Variants in TOP2A observed in about 807,000 individuals in gnomAD.
TOP2A encodes DNA topoisomerase 2-alpha.
A neutral mutation model predicts 187.2 loss-of-function variants in TOP2A; 68 were observed. The observed-to-expected ratio is 0.36, with a 90% CI of 0.30 to 0.44. The LOEUF (loss-of-function observed/expected upper bound fraction) is 0.44, where lower values mean the gene tolerates loss of function less well. TOP2A is among the 20% of genes least tolerant of loss of function. TOP2A has a pLI of 1.00. For missense variants in TOP2A, 1,196 were observed against 1,808.7 expected, an observed-to-expected ratio of 0.66 and a Z score of 6.14; for synonymous variants, 542 against 593.2, an observed-to-expected ratio of 0.91 and a Z score of 1.25.
chr17:40,407,704 C>T lies in TOP2A; in HGVS notation c.1501-30G>A, dbSNP rs368042763. The T allele has an allele frequency of 5.3e-5, 81 of 1,537,388 alleles. No homozygotes were observed. The African/African-American group carries it at 1.0e-3, about 19-fold the overall frequency. The stretch of plus-strand genomic sequence containing the variant: ...AATGGACATATACCAAAAAAAGCAT[C>T]GTTTATAAATTTGAAAAGAACAAAG... On this transcript the variant is annotated intron_variant, in intron 12 of 34. Transcript: ENST00000423485.
At chr17:40,409,658 C>T (rs1390131263) in intron 10 of TOP2A, 1 of 236,936 alleles carries the variant, frequency 4.2e-6, no homozygotes, top group African/African-American at 2.4e-5. Flanking sequence ...ACTCAGGAGG[C>T]TGGAGAATCC....
At position 40,408,059 on chromosome 17, in the gene TOP2A, C is replaced by T. The variant is rs1318275483; in HGVS notation, c.1408G>A (p.Val470Ile). The T allele has an allele frequency of 1.2e-6, 2 of 1,613,638 alleles. No individual in the cohort carries two copies. Among genetic ancestry groups the T allele is most frequent in the Admixed American group, 1.7e-5 (1 of 60,012 alleles). ...TEGDSAKTLA[V>I]SGLGVVGRDK... ...CTCCCAACCACACCAAGGCCTGAAA[C>T]AGCCAAAGTTTTGGCTGAATCTCCC... Residue 470 changes from valine to isoleucine, a missense_variant, in exon 12 of 35, where the codon GTT becomes ATT. This residue lies in a region of TOP2A where 252 missense variants were observed against 434.8 expected (regional missense o/e 0.58). Coordinates refer to ENST00000423485, the MANE Select transcript of TOP2A (RefSeq NM_001067.4).
chr17:40,410,673 G>T (rs1034695607), intron 10 of TOP2A: 1 of 454,644 alleles, frequency 2.2e-6, no homozygotes, highest in African/African-American at 2.0e-5. Flanking sequence ...ATAAAGGAAG[G>T]CTCCCAGCTT....
In TOP2A at chr17:40,410,613, T is replaced by C. The variant is rs2035309586; in HGVS notation, c.1203+496A>G. 1.1e-5 allele frequency: 5 copies of C among 456,464 alleles called. No individual in the cohort carries two copies. In the Admixed American group the frequency reaches 1.2e-4, roughly 11 times the overall value. The allele number at this position is 456,464 out of a possible 1,614,324, so 28.3% of individuals were successfully genotyped here. A position where few individuals can be genotyped will look rare whatever the true frequency, so the allele number is the denominator to read the frequency against. The stretch of plus-strand genomic sequence containing the variant: ...AAAAGAGATAATGGTGAGAAGCTAC[T>C]GCAGCATCCAAGAGATGATTCTTAT... On this transcript the variant is annotated intron_variant, in intron 10 of 34. Transcript: ENST00000423485.
At chr17:40,408,708 C>T in intron 10 of TOP2A, 78 bp from the exon 11 acceptor site, 1 of 1,413,204 alleles carries the variant, frequency 7.1e-7, no homozygotes. Flanking sequence ...ACAAATGAGC[C>T]TTAATACAAA....
intron 24 of TOP2A, 46 bp downstream of exon 24, chr17:40,399,826 G>T: frequency 6.7e-7 from 1 of 1,494,656 alleles, no homozygotes; most frequent in African/African-American, 1.4e-5. Flanking sequence ...AAGAAAGTTT[G>T]GCGTAACTAG....
intron 16 of TOP2A, among the ~76,000 whole-genome samples, chr17:40,405,757 C>T (rs1465245384): frequency 6.6e-6 from 1 of 151,690 alleles, no homozygotes; most frequent in Non-Finnish European, 1.5e-5. Flanking sequence ...GCGTGAGCCA[C>T]CACGCCTGGC....
rs2143623011 is a variant in TOP2A, at chr17:40,392,272, T to C, written c.4034A>G (p.Asp1345Gly). 1 of 1,612,084 alleles carries C rather than the reference T, an allele frequency of 6.2e-7. No individual in the cohort carries two copies. Among genetic ancestry groups the C allele is most frequent in the Non-Finnish European group, 8.5e-7 (1 of 1,178,964 alleles). Residue 1345 changes from aspartate to glycine, a missense_variant, in exon 31 of 35, where the codon GAT becomes GGT. Around this residue, in one of 10 missense-constraint regions of TOP2A, gnomAD observed 374 missense variants for 403.3 expected, o/e 0.93. Transcript: ENST00000423485. ...DFSDFDEKTD[D>G]EDFVPSDASP... Reference sequence around the variant, plus strand: ...AGCATCTGATGGGACAAAATCTTCATCATCAGTTTTTTCATCAAAATCTGA... The same window carrying C: ...AGCATCTGATGGGACAAAATCTTCACCATCAGTTTTTTCATCAAAATCTGA...
Position 40,413,562 on chromosome 17 carries a change from A to G in TOP2A, c.396T>C (p.Val132=). 1 of 1,522,492 alleles carries G rather than the reference A, an allele frequency of 6.6e-7. No individual in the cohort carries two copies. The highest frequency in any genetic ancestry group is 1.2e-5 in the South Asian group (1 of 81,238). 94.3% of individuals were successfully genotyped at this position (1,522,492 alleles called of 1,614,324 possible). A position where few individuals can be genotyped will look rare whatever the true frequency, so the allele number is the denominator to read the frequency against. Residue 132 remains valine (V), a synonymous_variant, in exon 5 of 35, where the codon GTT becomes GTC. Transcript: ENST00000423485. ...TGAGAGCTGGGACATACATCTTTTCAACTTTGTGTTCAACAACAGGAATAC... is the reference window on the plus strand; with the variant it reads ...TGAGAGCTGGGACATACATCTTTTCGACTTTGTGTTCAACAACAGGAATAC... The part of the protein sequence containing the change: ...GKGIPVVEHK[V]EKMYVPALIF...
Position 40,411,874 on chromosome 17 carries a change from T to C in TOP2A, c.790-56A>G. Reference sequence around the variant, plus strand: ...GAAAGTTATTAAAAAATAGGTTCAATGATAGACTATGAGGACTTTCCAAAA... The same window carrying C: ...GAAAGTTATTAAAAAATAGGTTCAACGATAGACTATGAGGACTTTCCAAAA... On this transcript the variant is annotated intron_variant, in intron 7 of 34. Coordinates refer to ENST00000423485, the MANE Select transcript of TOP2A (RefSeq NM_001067.4). This position sits in a 1 kb window ranked among gnomAD's most constrained non-coding sequence, Gnocchi z 4.4. 1 of 1,402,860 alleles carries C rather than the reference T, an allele frequency of 7.1e-7. No homozygotes were observed. The allele number at this position is 1,402,860 out of a possible 1,614,324, so 86.9% of individuals were successfully genotyped here.
At position 40,411,234 on chromosome 17, in the gene TOP2A, T is replaced by C; in HGVS notation, c.1078A>G (p.Met360Val). The C allele has an allele frequency of 6.2e-7, 1 of 1,613,012 alleles. No individual in the cohort carries two copies. The highest frequency in any genetic ancestry group is 8.5e-7 in the Non-Finnish European group (1 of 1,179,652). ...ATTAAGGCATTTACAAAAATCCACA[T>C]GTGATTTTTCACCTGCAATAGAAGT... Reference protein sequence around the residue: ...AVKAHQVKNHMWIFVNALIEN... With the variant: ...AVKAHQVKNHVWIFVNALIEN... Residue 360 changes from methionine (M) to valine (V), a missense_variant, in exon 10 of 35, where the codon ATG becomes GTG. Physicochemically the swap from Met to Val is conservative, Grantham distance 21. Transcript: ENST00000423485. This position sits in a 1 kb window ranked among gnomAD's most constrained non-coding sequence, Gnocchi z 4.4.
At position 40,389,745 on chromosome 17, in the gene TOP2A, C is replaced by G. The variant is rs2034999631; in HGVS notation, c.4468-98G>C. 3 of 1,434,750 alleles carry G rather than the reference C, an allele frequency of 2.1e-6. No homozygotes were observed. The African/African-American group carries it at 4.3e-5, about 21-fold the overall frequency. The allele number at this position is 1,434,750 out of a possible 1,614,324, so 88.9% of individuals were successfully genotyped here. On this transcript the variant is annotated intron_variant, in intron 34 of 34. Coordinates refer to ENST00000423485, the MANE Select transcript of TOP2A (RefSeq NM_001067.4). ...CAAGACACTATATTCAAGGAGTTTT[C>G]TATTTTCTACCAAGTAATAAGAAGC...
rs906018018 is a variant in TOP2A, at chr17:40,399,052, T to C, written c.3276A>G (p.Glu1092=). The change falls in exon 25 of 35, where the codon GAA becomes GAG. Residue 1092 remains glutamate (E), a synonymous_variant. Coordinates refer to ENST00000423485, the MANE Select transcript of TOP2A (RefSeq NM_001067.4). The part of the protein sequence containing the change: ...YDSDPVKAWK[E]AQQKVPDEEE... ...CACCCAAGATTACCTTTTGCTGGGC[T>C]TCTTTCCAGGCCTTCACAGGATCCG... 4 of 1,591,902 alleles carry C rather than the reference T, an allele frequency of 2.5e-6. No homozygotes were observed. Among genetic ancestry groups the C allele is most frequent in the Non-Finnish European group, 3.4e-6 (4 of 1,167,586 alleles).
Position 40,413,279 on chromosome 17 carries a change from G to C in TOP2A, c.492C>G (p.Gly164=). ...DEKKVTGGRN[G]YGAKLCNIFS... Reference sequence around the variant, plus strand: ...ATATGTTACACAATTTGGCTCCATAGCCATTTCGACCACCTGGGCAAATAA... The same window carrying C: ...ATATGTTACACAATTTGGCTCCATACCCATTTCGACCACCTGGGCAAATAA... The change falls in exon 6 of 35, where the codon GGC becomes GGG. Residue 164 remains glycine, a synonymous_variant. Coordinates refer to ENST00000423485, the MANE Select transcript of TOP2A (RefSeq NM_001067.4). 1 of 1,560,590 alleles carries C rather than the reference G, an allele frequency of 6.4e-7. No homozygotes were observed. Among genetic ancestry groups the C allele is most frequent in the Non-Finnish European group, 8.7e-7 (1 of 1,150,910 alleles).
intron 33 of TOP2A, among the ~76,000 whole-genome samples, chr17:40,390,676 G>A (rs2035012913): frequency 6.9e-6 from 1 of 145,292 alleles, no homozygotes; most frequent in Non-Finnish European, 1.5e-5. Flanking sequence ...CGCCCAGGCT[G>A]GAGTGCAGTG....
intron 24 of TOP2A, 30 bp from the exon 25 acceptor site, chr17:40,399,161 G>T (rs2035142905): frequency 7.0e-7 from 1 of 1,424,324 alleles, no homozygotes; most frequent in South Asian, 1.2e-5. Context: ...CAGAGATAAT[G>T]ATTTTGAGTA....
chr17:40,400,165 T>TA, intron 23 of TOP2A, 44 bp downstream of exon 23: 1 of 1,596,454 alleles, frequency 6.3e-7, no homozygotes, highest in Non-Finnish European at 8.6e-7. Flanking sequence ...TATTAATCTT[T>TA]AATATAAATT....
Position 40,389,504 on chromosome 17 carries a change from TA to T in TOP2A, c.*14del, listed in dbSNP as rs1033966251. 1.9e-6 allele frequency: 3 copies of T among 1,574,822 alleles called. No homozygotes were observed. Among genetic ancestry groups the T allele is most frequent in the African/African-American group, 2.7e-5 (2 of 74,094 alleles). On this transcript the variant is annotated 3_prime_UTR_variant, in exon 35 of 35. Transcript: ENST00000423485. Reference sequence around the variant, plus strand: ...GGCTTGGTAAGATAATTACTTAAAATAATCGCCTCACATTTTAAAACAGATC... The same window carrying T: ...GGCTTGGTAAGATAATTACTTAAAATATCGCCTCACATTTTAAAACAGATC...
At chr17:40,417,247 G>A (rs977121124) in intron 1 of TOP2A, among the ~76,000 whole-genome samples, 3 of 152,040 alleles carry the variant, frequency 2.0e-5, no homozygotes, top group African/African-American at 7.2e-5. Context: ...GGTGTCCCGA[G>A]CACACGACAC....
Sources: allele counts gnomAD v4.1 joint callset (sites outside exome capture counted in the v4.1 genomes callset), GRCh38; gene constraint gnomAD v4.1.1; regional missense constraint gnomAD v4.1.1; non-coding constraint Gnocchi (gnomAD v3.1); transcripts MANE v1.5; gene names NCBI Gene and HGNC (gene_info 2026-07-23, HGNC 2026-07-21).